PPP1R3A: variants seen among roughly 807,000 people sequenced by gnomAD.
PPP1R3A encodes protein phosphatase 1 regulatory subunit 3A, also known as RG1.
In PPP1R3A, 29 loss-of-function variants were observed where a neutral mutation model predicts 41.7. The observed-to-expected ratio is 0.70, with a 90% CI of 0.52 to 0.95. PPP1R3A has a LOEUF of 0.95. Among genes scored for constraint, PPP1R3A ranks in the 40% least tolerant of loss-of-function variants. The pLI is 0.00. For synonymous variants in PPP1R3A, 485 were observed against 453.4 expected, an observed-to-expected ratio of 1.07 and a Z score of -0.89; for missense variants, 1,352 against 1,292.4, an observed-to-expected ratio of 1.05 and a Z score of -0.71.
chr7:113,918,085 G>A, intron 1 of PPP1R3A, 130 bp downstream of exon 1: 20 of 876,166 alleles, frequency 2.3e-5, no homozygotes, highest in Non-Finnish European at 3.1e-5. Context: ...GTTAAAGCCT[G>A]GCACCATTGT....
chr7:113,905,857 T>G (rs756978499), intron 1 of PPP1R3A, among the ~76,000 whole-genome samples: 5 of 151,824 alleles, frequency 3.3e-5, no homozygotes, highest in Non-Finnish European at 7.4e-5. Context: ...GAATCATTTC[T>G]GATCAGTGAA....
chr7:113,879,080 T>A lies in PPP1R3A; in HGVS notation c.2012A>T (p.Asn671Ile), dbSNP rs1035314058. Residue 671 changes from asparagine (N) to isoleucine (I), a missense_variant, in exon 4 of 4, where the codon AAC (asparagine) becomes ATC (isoleucine). Asn to Ile is a moderately radical substitution (Grantham distance 149). Coordinates refer to ENST00000284601, the MANE Select transcript of PPP1R3A (RefSeq NM_002711.4). ...SQGKSRENKT[N>I]ITEHIKGQTD... ...TTGTCCTTTGATATGCTCTGTTATG[T>A]TTGTCTTATTCTCTCTTGATTTTCC... is the stretch of plus-strand genomic sequence containing the variant. 2.5e-6 allele frequency: 4 copies of A among 1,613,698 alleles called. No individual in the cohort carries two copies. Among genetic ancestry groups the A allele is most frequent in the African/African-American group, 1.3e-5 (1 of 74,886 alleles).
intron 1 of PPP1R3A, among the ~76,000 whole-genome samples, chr7:113,883,672 C>A (rs1009518633): frequency 1.3e-5 from 2 of 151,870 alleles, no homozygotes; most frequent in Non-Finnish European, 2.9e-5. Context: ...GGCTGACACA[C>A]CTTCCCTTCT....
intron 1 of PPP1R3A, among the ~76,000 whole-genome samples, chr7:113,892,258 T>C (rs1204705338): frequency 1.3e-5 from 2 of 152,086 alleles, no homozygotes; most frequent in Non-Finnish European, 2.9e-5. Context: ...GAGCCTCCTT[T>C]GAGATTTTTT....
rs1797377155 is a variant in PPP1R3A at position 113,918,415 on chromosome 7, C to G, written c.582G>C (p.Leu194Phe). ...ETDQFSFKIV[L>F]VPPYQKDGSK... Reference sequence around the variant, plus strand: ...TGCCATCTTTTTGATAAGGAGGAACCAATACAATCTTAAAGGAGAACTGGT... The same window carrying G: ...TGCCATCTTTTTGATAAGGAGGAACGAATACAATCTTAAAGGAGAACTGGT... The change falls in exon 1 of 4, where the codon TTG becomes TTC. Residue 194 changes from leucine to phenylalanine, a missense_variant. Coordinates refer to ENST00000284601, the MANE Select transcript of PPP1R3A (RefSeq NM_002711.4). The G allele has an allele frequency of 6.2e-7, 1 of 1,613,196 alleles. No homozygotes were observed. The highest frequency in any genetic ancestry group is 1.7e-5 in the Admixed American group (1 of 59,900).
At chr7:113,915,637 A>G (rs998017514) in intron 1 of PPP1R3A, among the ~76,000 whole-genome samples, 57 of 150,014 alleles carry the variant, frequency 3.8e-4, no homozygotes, top group Middle Eastern at 3.5e-3. Context: ...ATACATATAT[A>G]TATTCTGTTT....
chr7:113,918,837 G>A lies in PPP1R3A; in HGVS notation c.160C>T (p.Leu54=), dbSNP rs1252191476. 6.2e-7 allele frequency: 1 copy of A among 1,613,838 alleles called. No homozygotes were observed. The highest frequency in any genetic ancestry group is 8.5e-7 in the Non-Finnish European group (1 of 1,179,816). ...CTAGTACCTGAAGATGGGGTATCCA[G>A]GTATATGTCTTCAGAAGAATCAGAA... The part of the protein sequence containing the change: ...RGSDSSEDIY[L]DTPSSGTRRV... The change falls in exon 1 of 4, where the codon CTG becomes TTG. Residue 54 remains leucine (L), a synonymous_variant. Transcript: ENST00000284601.
chr7:113,918,456 A>G lies in PPP1R3A; in HGVS notation c.541T>C (p.Cys181Arg). ...GAGAACTGGTCAGTTTCACCATCAC[A>G]TGAATTAGGAACATATTCTGCTAAA... ...DILAEYVPNS[C>R]DGETDQFSFK... The change falls in exon 1 of 4, where the codon TGT (cysteine) becomes CGT (arginine). Residue 181 changes from cysteine to arginine, a missense_variant. Transcript: ENST00000284601. 1.2e-6 allele frequency: 2 copies of G among 1,613,308 alleles called. No individual in the cohort carries two copies. The highest frequency in any genetic ancestry group is 1.7e-6 in the Non-Finnish European group (2 of 1,179,646).
chr7:113,885,836 T>G (rs946860109), intron 1 of PPP1R3A, among the ~76,000 whole-genome samples: 2 of 148,736 alleles, frequency 1.3e-5, no homozygotes, highest in East Asian at 3.9e-4. Flanking sequence ...TATTATAAAT[T>G]AAAGTTATAT....
chr7:113,897,068 C>T (rs560497729), intron 1 of PPP1R3A, among the ~76,000 whole-genome samples: 51 of 151,882 alleles, frequency 3.4e-4, no homozygotes, highest in Middle Eastern at 3.4e-3. Context: ...TTAAATGTTG[C>T]TTGTATTCAC....
At chr7:113,917,503 A>G (rs1797360289) in intron 1 of PPP1R3A, among the ~76,000 whole-genome samples, 1 of 152,064 alleles carries the variant, frequency 6.6e-6, no homozygotes, top group Non-Finnish European at 1.5e-5. Flanking sequence ...TCTAATCTAT[A>G]TAGCTGAATA....
In PPP1R3A at chr7:113,918,851, G is replaced by T. The variant is rs1797387492; in HGVS notation, c.146C>A (p.Ser49Tyr). Residue 49 changes from serine (S) to tyrosine (Y), a missense_variant, in exon 1 of 4, where the codon TCT (serine) becomes TAT (tyrosine). By Grantham distance (144) the Ser-to-Tyr change is moderately radical. Coordinates refer to ENST00000284601, the MANE Select transcript of PPP1R3A (RefSeq NM_002711.4). ...PQPSRRGSDSSEDIYLDTPSS... is the reference protein window; with the variant it reads ...PQPSRRGSDSYEDIYLDTPSS... Reference sequence around the variant, plus strand: ...TGGGGTATCCAGGTATATGTCTTCAGAAGAATCAGAACCTCGTCTACTTGG... The same window carrying T: ...TGGGGTATCCAGGTATATGTCTTCATAAGAATCAGAACCTCGTCTACTTGG... 1 of 1,613,688 alleles carries T rather than the reference G, an allele frequency of 6.2e-7. No individual in the cohort carries two copies. Among genetic ancestry groups the T allele is most frequent in the African/African-American group, 1.3e-5 (1 of 74,884 alleles).
In PPP1R3A at chr7:113,915,339, T is replaced by C. The variant is rs569986611; in HGVS notation, c.782+2876A>G. Among the ~76,000 whole-genome samples the C allele has an allele frequency of 2.6e-4, 39 of 152,038 alleles. No individual in the cohort carries two copies. In the South Asian group the frequency reaches 4.4e-3, roughly 17 times the overall value. On this transcript the variant is annotated intron_variant, in intron 1 of 3. Transcript: ENST00000284601. ...TCCACATTCATTCATTCCATACTTA[T>C]TAGAAGGGATTATTGACACTTTCAG...
rs374209772 is a variant in PPP1R3A at position 113,879,547 on chromosome 7, C to G, written c.1545G>C (p.Lys515Asn). ...SSKEDYYGNGKDDEEQRIYLG... is the reference protein window; with the variant it reads ...SSKEDYYGNGNDDEEQRIYLG... Reference sequence around the variant, plus strand: ...AATATATTCTTTGTTCTTCATCATCCTTACCATTGCCATAATAATCTTCCT... The same window carrying G: ...AATATATTCTTTGTTCTTCATCATCGTTACCATTGCCATAATAATCTTCCT... The change falls in exon 4 of 4, where the codon AAG becomes AAC. Residue 515 changes from lysine to asparagine, a missense_variant. By Grantham distance (94) the Lys-to-Asn change is moderately conservative (BLOSUM62 0). Coordinates refer to ENST00000284601, the MANE Select transcript of PPP1R3A (RefSeq NM_002711.4). The G allele has an allele frequency of 1.2e-6, 2 of 1,612,826 alleles. No homozygotes were observed. The highest frequency in any genetic ancestry group is 2.7e-5 in the African/African-American group (2 of 74,824).
At chr7:113,903,595 T>G (rs1448408196) in intron 1 of PPP1R3A, among the ~76,000 whole-genome samples, 1 of 151,792 alleles carries the variant, frequency 6.6e-6, no homozygotes, top group Non-Finnish European at 1.5e-5. Context: ...GCAGAAAAAG[T>G]TGGGAAATCA....
chr7:113,902,603 C>T (rs189204749), intron 1 of PPP1R3A, among the ~76,000 whole-genome samples: 11 of 151,942 alleles, frequency 7.2e-5, no homozygotes, highest in Admixed American at 2.0e-4. Flanking sequence ...CCTGTTCACT[C>T]CCTTCTTAGA....
intron 1 of PPP1R3A, among the ~76,000 whole-genome samples, chr7:113,913,848 A>C (rs961475776): frequency 6.6e-6 from 1 of 152,014 alleles, no homozygotes; most frequent in African/African-American, 2.4e-5. Context: ...AGAGAATCTG[A>C]ACTTGGTTTT....
chr7:113,880,047 A>G lies in PPP1R3A; in HGVS notation c.1045T>C (p.Phe349Leu). Residue 349 changes from phenylalanine to leucine, a missense_variant, in exon 4 of 4, where the codon TTT (phenylalanine) becomes CTT (leucine). Transcript: ENST00000284601. ...TCTAACCCCTCTGCTTTATTTGGAA[A>G]ATTGACTGGATCTGTTGAAAATGTA... ...RNTFSTDPVNFPNKAEGLEKK... is the reference protein window; with the variant it reads ...RNTFSTDPVNLPNKAEGLEKK... The G allele has an allele frequency of 6.2e-7, 1 of 1,610,792 alleles. No individual in the cohort carries two copies. Among genetic ancestry groups the G allele is most frequent in the Non-Finnish European group, 8.5e-7 (1 of 1,177,410 alleles).
chr7:113,915,689 G>A (rs1797330751), intron 1 of PPP1R3A, among the ~76,000 whole-genome samples: 1 of 151,014 alleles, frequency 6.6e-6, no homozygotes, highest in Admixed American at 6.6e-5. Context: ...AGCTACATAG[G>A]AAGTGTAGAA....
Sources: gnomAD v4.1 joint callset for allele counts (sites outside exome capture counted in the v4.1 genomes callset) on GRCh38, gnomAD v4.1.1 for gene constraint, MANE v1.5 for transcripts, NCBI Gene and HGNC (gene_info 2026-07-23, HGNC 2026-07-21) for gene names.